CD9: variants seen among roughly 807,000 people sequenced by gnomAD.
CD9 encodes CD9 molecule.
In CD9, 10 loss-of-function variants were observed where a neutral mutation model predicts 31.4. The ratio of observed to expected loss-of-function variants is 0.32; its 90% CI spans 0.20 to 0.54. The LOEUF (loss-of-function observed/expected upper bound fraction) is 0.54, where lower values mean the gene tolerates loss of function less well. CD9 is among the 20% of genes least tolerant of loss of function. The pLI is 0.94. For synonymous variants in CD9, 113 were observed against 114.1 expected, an observed-to-expected ratio of 0.99 and a Z score of 0.06; for missense variants, 259 against 300.1, an observed-to-expected ratio of 0.86 and a Z score of 1.01.
At chr12:6,207,736 G>A (rs943081391) in intron 1 of CD9, among the ~76,000 whole-genome samples, 5 of 152,226 alleles carry the variant, frequency 3.3e-5, no homozygotes, top group African/African-American at 1.2e-4. Context: ...AACTGGGAAA[G>A]GCAAAGCAGC....
At chr12:6,205,355 C>A (rs1379173756) in intron 1 of CD9, among the ~76,000 whole-genome samples, 1 of 152,176 alleles carries the variant, frequency 6.6e-6, no homozygotes, top group Non-Finnish European at 1.5e-5. Flanking sequence ...CGTTCTCTAC[C>A]CCCTTCTTTT....
intron 1 of CD9, among the ~76,000 whole-genome samples, chr12:6,202,242 T>C (rs758273098): frequency 1.3e-5 from 2 of 152,108 alleles, no homozygotes; most frequent in Non-Finnish European, 2.9e-5. Context: ...GGCATATAGG[T>C]GTGCTCCTTC....
intron 1 of CD9, among the ~76,000 whole-genome samples, chr12:6,220,226 A>G (rs559090064): frequency 3.3e-4 from 51 of 152,328 alleles, no homozygotes; most frequent in African/African-American, 1.2e-3. Flanking sequence ...GGCTTAGGCG[A>G]TCACGACAGC....
intron 1 of CD9, 69 bp downstream of exon 1, chr12:6,200,634 C>A: frequency 2.8e-6 from 3 of 1,090,566 alleles, no homozygotes; most frequent in Middle Eastern, 2.0e-4. Context: ...ACACTGGCCG[C>A]GGCCGCGAGT....
chr12:6,235,145 G>A (rs1946498388), intron 4 of CD9, 84 bp from the exon 5 acceptor site: 1 of 1,014,288 alleles, frequency 9.9e-7, no homozygotes, highest in Non-Finnish European at 1.5e-6. Flanking sequence ...AGCTTAGAGA[G>A]AACAAGATGG....
chr12:6,202,257 C>T (rs534587544), intron 1 of CD9, among the ~76,000 whole-genome samples: 1 of 152,308 alleles, frequency 6.6e-6, no homozygotes, highest in African/African-American at 2.4e-5. Context: ...TCCTTCCCAA[C>T]CCTTGACTTG....
At chr12:6,202,101 G>T (rs113055873) in intron 1 of CD9, among the ~76,000 whole-genome samples, 1 of 152,170 alleles carries the variant, frequency 6.6e-6, no homozygotes, top group African/African-American at 2.4e-5. Context: ...GTCCCCACAA[G>T]CCTCCTTAGG....
At chr12:6,200,337 C>G (rs1946060297), upstream of CD9, 2 of 419,326 alleles carry the variant, frequency 4.8e-6, no homozygotes, top group East Asian at 3.7e-5. Flanking sequence ...ACATGCGCAC[C>G]GCAGCGGGTC....
In CD9 at chr12:6,209,374, A is replaced by G. The variant is rs568281458; in HGVS notation, c.66+8809A>G. On this transcript the variant is annotated intron_variant, in intron 1 of 7. Coordinates refer to ENST00000009180, the MANE Select transcript of CD9 (RefSeq NM_001769.4). ...CATGCACACCCCAGATTTATGCCCA[A>G]CTCCACTGGATGTTTTCTGGGTGGG... Among the ~76,000 whole-genome samples the G allele has an allele frequency of 1.1e-4, 17 of 151,792 alleles. No individual in the cohort carries two copies. The East Asian group carries it at 2.1e-3, about 19-fold the overall frequency.
intron 7 of CD9, 27 bp downstream of exon 7, chr12:6,236,302 G>T (rs573729041): frequency 6.3e-7 from 1 of 1,597,394 alleles, no homozygotes; most frequent in Admixed American, 1.7e-5. Flanking sequence ...CGTCCCAGGA[G>T]GGGGACTGAG....
chr12:6,231,714 C>T (rs1384369226), intron 2 of CD9, among the ~76,000 whole-genome samples: 1 of 152,240 alleles, frequency 6.6e-6, no homozygotes, highest in Non-Finnish European at 1.5e-5. Flanking sequence ...TCTCTCACCT[C>T]CTTTCCATGA....
At chr12:6,234,832 C>G (rs1253378842) in intron 4 of CD9, among the ~76,000 whole-genome samples, 1 of 152,168 alleles carries the variant, frequency 6.6e-6, no homozygotes, top group Non-Finnish European at 1.5e-5. Context: ...AGTAATTTGC[C>G]AAAACTCATA....
chr12:6,235,414 A>C (rs762221864), intron 5 of CD9, 62 bp from the exon 6 acceptor site: 4 of 1,613,884 alleles, frequency 2.5e-6, no homozygotes, highest in Non-Finnish European at 3.4e-6. Flanking sequence ...ACCAGTGCAA[A>C]CATTCTAATC....
chr12:6,216,288 G>C (rs1044590321), intron 1 of CD9, among the ~76,000 whole-genome samples: 1 of 152,208 alleles, frequency 6.6e-6, no homozygotes, highest in Admixed American at 6.5e-5. Flanking sequence ...CTGGTATTTT[G>C]GGGCCTGGAA....
chr12:6,209,449 C>T (rs902247905), intron 1 of CD9, among the ~76,000 whole-genome samples: 4 of 152,168 alleles, frequency 2.6e-5, no homozygotes, highest in Non-Finnish European at 4.4e-5. Flanking sequence ...ACGGGAGGCC[C>T]TTCCCACTAA....
rs1481383217 is a variant in CD9 at position 6,235,260 on chromosome 12, A to T, written c.380A>T (p.Asp127Val). The change falls in exon 5 of 8, where the codon GAC (aspartate) becomes GTC (valine). Residue 127 changes from aspartate (D) to valine (V), a missense_variant. By Grantham distance (152) the Asp-to-Val change is radical. Transcript: ENST00000009180. ...VIKEVQEFYKDTYNKLKTKDE... is the reference protein window; with the variant it reads ...VIKEVQEFYKVTYNKLKTKDE... ...AAGGAAGTCCAGGAGTTTTACAAGG[A>T]CACCTACAACAAGCTGAAAACCAAG... 1 of 1,609,878 alleles carries T rather than the reference A, an allele frequency of 6.2e-7. No homozygotes were observed. The highest frequency in any genetic ancestry group is 2.2e-5 in the East Asian group (1 of 44,710).
chr12:6,204,425 G>A (rs1240652197), intron 1 of CD9, among the ~76,000 whole-genome samples: 1 of 152,158 alleles, frequency 6.6e-6, no homozygotes, highest in Non-Finnish European at 1.5e-5. Flanking sequence ...ATTGGAAATG[G>A]GAGATGGATA....
chr12:6,236,213 G>C lies in CD9; in HGVS notation c.559G>C (p.Glu187Gln). ...CAAGTCCTGTCCTGATGCCATCAAA[G>C]AGGTCTTCGACAATAAATTCCACAT... ...TVKSCPDAIK[E>Q]VFDNKFHIIG... is the part of the protein sequence containing the mutation. Residue 187 changes from glutamate (E) to glutamine (Q), a missense_variant, in exon 7 of 8, where the codon GAG becomes CAG. Coordinates refer to ENST00000009180, the MANE Select transcript of CD9 (RefSeq NM_001769.4). 1 of 1,614,220 alleles carries C rather than the reference G, an allele frequency of 6.2e-7. No individual in the cohort carries two copies. Among genetic ancestry groups the C allele is most frequent in the Non-Finnish European group, 8.5e-7 (1 of 1,180,046 alleles).
chr12:6,208,733 G>A (rs531944736), intron 1 of CD9, among the ~76,000 whole-genome samples: 5 of 151,488 alleles, frequency 3.3e-5, no homozygotes, highest in African/African-American at 7.3e-5. Flanking sequence ...CACCATGCCC[G>A]GCTAATTTTT....
Sources: allele counts gnomAD v4.1 joint callset (sites outside exome capture counted in the v4.1 genomes callset), GRCh38; gene constraint gnomAD v4.1.1; transcripts MANE v1.5; gene names NCBI Gene and HGNC (gene_info 2026-07-23, HGNC 2026-07-21).